SOX6: variants seen among roughly 807,000 people sequenced by gnomAD.
The protein encoded by SOX6 is SRY-box transcription factor 6, also known as transcription factor SOX-6.
A neutral mutation model predicts 97.8 loss-of-function variants in SOX6; 11 were observed. The observed-to-expected ratio is 0.11, with a 90% CI of 0.07 to 0.19. The LOEUF (loss-of-function observed/expected upper bound fraction) is 0.19, where lower values mean the gene tolerates loss of function less well. Ranked by LOEUF, SOX6 falls within the 10% of genes least tolerant of loss-of-function variation. The pLI is 1.00. For missense variants in SOX6, 810 were observed against 1,039.5 expected, an observed-to-expected ratio of 0.78 and a Z score of 3.04; for synonymous variants, 360 against 371.4, an observed-to-expected ratio of 0.97 and a Z score of 0.35.
intron 4 of SOX6, among the ~76,000 whole-genome samples, chr11:16,516,439 A>C (rs1490098954): frequency 1.3e-5 from 2 of 152,200 alleles, no homozygotes; most frequent in Non-Finnish European, 2.9e-5. Flanking sequence ...GAGCTTAAGG[A>C]GATTTTGGGC....
At chr11:16,450,896 C>T (rs1201774604) in intron 1 of SOX6, among the ~76,000 whole-genome samples, 3 of 152,096 alleles carry the variant, frequency 2.0e-5, no homozygotes, top group Non-Finnish European at 4.4e-5. Context: ...GAAAAGAACA[C>T]ATGGACTTTT....
intron 6 of SOX6, among the ~76,000 whole-genome samples, chr11:16,124,684 G>A (rs541907226): frequency 6.6e-6 from 1 of 152,048 alleles, no homozygotes; most frequent in Non-Finnish European, 1.5e-5. Flanking sequence ...TGGAGATCAG[G>A]TTATTTAGGG....
intron 4 of SOX6, among the ~76,000 whole-genome samples, chr11:16,580,506 T>C (rs1762670805): frequency 6.6e-6 from 1 of 151,770 alleles, no homozygotes; most frequent in Non-Finnish European, 1.5e-5. Flanking sequence ...TTTTGGAAAA[T>C]AAATTGTTCT....
At chr11:16,732,360 A>G (rs1848356771) in intron 2 of SOX6, among the ~76,000 whole-genome samples, 1 of 152,210 alleles carries the variant, frequency 6.6e-6, no homozygotes, top group South Asian at 2.1e-4. Context: ...CAGTAACCAA[A>G]ACAGCATGGT....
intron 4 of SOX6, among the ~76,000 whole-genome samples, chr11:16,555,719 C>T (rs575113880): frequency 2.8e-4 from 43 of 151,702 alleles, no homozygotes; most frequent in Non-Finnish European, 5.0e-4. Context: ...ATTCCATCCA[C>T]CAAAGTTAAA....
chr11:16,702,491 C>G (rs1848102141), intron 3 of SOX6, among the ~76,000 whole-genome samples: 1 of 152,066 alleles, frequency 6.6e-6, no homozygotes, highest in South Asian at 2.1e-4. Flanking sequence ...AATGAGAATG[C>G]TACTTAGGGA....
intron 5 of SOX6, 36 bp downstream of exon 5, chr11:16,186,747 C>T (rs1160386382): frequency 6.2e-7 from 1 of 1,609,950 alleles, no homozygotes; most frequent in South Asian, 1.1e-5. Flanking sequence ...GCACATTCCA[C>T]ATCTCCAGTT....
rs117221694 is a variant in SOX6, at chr11:16,059,725, C to T, written c.1102-3824G>A. On this transcript the variant is annotated intron_variant, in intron 9 of 15. Coordinates refer to ENST00000683767, the MANE Select transcript of SOX6 (RefSeq NM_001367873.1). ...AAAAATTCACAAGCAGAGTCAGTCA[C>T]AAGCAGAGTCAGTGCTTTGCTAGCA... Among the ~76,000 whole-genome samples the T allele has an allele frequency of 1.4e-3, 211 of 152,014 alleles. 6 individuals carry two copies. The East Asian group carries it at 0.039, about 28-fold the overall frequency.
chr11:16,179,581 A>G (rs1342025141), intron 6 of SOX6, among the ~76,000 whole-genome samples: 1 of 151,960 alleles, frequency 6.6e-6, no homozygotes, highest in Non-Finnish European at 1.5e-5. Context: ...TTCTACAAAT[A>G]AAGTTTGCCA....
At chr11:16,121,819 T>C (rs1037335646) in intron 6 of SOX6, among the ~76,000 whole-genome samples, 1 of 151,994 alleles carries the variant, frequency 6.6e-6, no homozygotes, top group Non-Finnish European at 1.5e-5. Flanking sequence ...ATCCTGGCCA[T>C]AAAGAAATTA....
chr11:16,499,935 A>C (rs1321408924), intron 4 of SOX6, among the ~76,000 whole-genome samples: 1 of 152,224 alleles, frequency 6.6e-6, no homozygotes, highest in African/African-American at 2.4e-5. Flanking sequence ...ATAGAAAAAG[A>C]GGGAATCCTC....
intron 1 of SOX6, among the ~76,000 whole-genome samples, chr11:16,437,830 A>T (rs983817984): frequency 2.0e-5 from 3 of 152,212 alleles, no homozygotes; most frequent in African/African-American, 7.2e-5. Flanking sequence ...TACCTCAAAG[A>T]GTTGCTTATA....
intron 3 of SOX6, among the ~76,000 whole-genome samples, chr11:16,248,139 T>C (rs892621086): frequency 3.3e-5 from 5 of 152,180 alleles, no homozygotes; most frequent in African/African-American, 9.7e-5. Context: ...ATCCAGGTCA[T>C]GCAGATACAA....
At chr11:15,975,377 T>C (rs1421763189) in intron 15 of SOX6, among the ~76,000 whole-genome samples, 3 of 152,216 alleles carry the variant, frequency 2.0e-5, no homozygotes, top group Non-Finnish European at 4.4e-5. Flanking sequence ...AATCACATTA[T>C]GAGTGTAGAG....
chr11:16,516,269 T>C (rs1444403479), intron 4 of SOX6, among the ~76,000 whole-genome samples: 1 of 152,052 alleles, frequency 6.6e-6, no homozygotes, highest in East Asian at 1.9e-4. Context: ...TTCACATCCC[T>C]TGTAAGTTGG....
chr11:16,546,209 TA>T (rs1251548357), intron 4 of SOX6, among the ~76,000 whole-genome samples: 1 of 151,972 alleles, frequency 6.6e-6, no homozygotes, highest in Admixed American at 6.6e-5. Context: ...AGGACATAAA[TA>T]AATGGAAAGG....
chr11:16,294,157 T>C (rs770014832), intron 3 of SOX6, among the ~76,000 whole-genome samples: 1 of 152,092 alleles, frequency 6.6e-6, no homozygotes, highest in Non-Finnish European at 1.5e-5. Flanking sequence ...GCCATATTTA[T>C]GCAAGAGGGG....
intron 4 of SOX6, among the ~76,000 whole-genome samples, chr11:16,199,894 T>C (rs1315530721): frequency 6.6e-6 from 1 of 152,172 alleles, no homozygotes. Context: ...AAATAAATTA[T>C]ACAAACTAAG....
intron 13 of SOX6, among the ~76,000 whole-genome samples, chr11:16,010,375 G>C (rs1332526999): frequency 6.6e-6 from 1 of 151,854 alleles, no homozygotes; most frequent in Non-Finnish European, 1.5e-5. Flanking sequence ...TCTGATCCAG[G>C]GTCCAACAGT....
Sources: allele counts gnomAD v4.1 joint callset (sites outside exome capture counted in the v4.1 genomes callset), GRCh38; gene constraint gnomAD v4.1.1; transcripts MANE v1.5; gene names NCBI Gene and HGNC (gene_info 2026-07-23, HGNC 2026-07-21).